PDE10A: variants seen among roughly 807,000 people sequenced by gnomAD.
The protein encoded by PDE10A is phosphodiesterase 10A.
A neutral mutation model predicts 97.7 loss-of-function variants in PDE10A; 39 were observed. The observed-to-expected ratio is 0.40, with a 90% CI of 0.31 to 0.52. The LOEUF is 0.52. Ranked by LOEUF, PDE10A falls within the 20% of genes least tolerant of loss-of-function variation. PDE10A has a pLI of 0.56. For synonymous variants in PDE10A, 371 were observed against 376.8 expected (o/e 0.98, Z 0.18); for missense variants, 731 against 1,047.8 (o/e 0.70, Z 4.17).
chr6:165,578,463 A>C (rs1395685646), intron 1 of PDE10A, among the ~76,000 whole-genome samples: 1 of 152,200 alleles, frequency 6.6e-6, no homozygotes, highest in Non-Finnish European at 1.5e-5. Flanking sequence ...AGTCTGTTTC[A>C]GATTTTTATT....
chr6:165,830,807 G>C (rs117509713), intron 1 of PDE10A, among the ~76,000 whole-genome samples: 1 of 152,116 alleles, frequency 6.6e-6, no homozygotes, highest in African/African-American at 2.4e-5. Flanking sequence ...AATAACACAC[G>C]CTCTTTCAGA....
At chr6:165,870,929 T>C (rs1469400654) in intron 1 of PDE10A, among the ~76,000 whole-genome samples, 1 of 152,204 alleles carries the variant, frequency 6.6e-6, no homozygotes, top group Non-Finnish European at 1.5e-5. Flanking sequence ...GTAGAATGAT[T>C]GTCATCAGAG....
At chr6:165,774,093 C>G (rs1257523221) in intron 1 of PDE10A, among the ~76,000 whole-genome samples, 1 of 152,012 alleles carries the variant, frequency 6.6e-6, no homozygotes, top group African/African-American at 2.4e-5. Flanking sequence ...TGATTAGAAG[C>G]CTTTCACATG....
At chr6:165,930,533 C>T (rs1230940587) in intron 1 of PDE10A, among the ~76,000 whole-genome samples, 1 of 152,176 alleles carries the variant, frequency 6.6e-6, no homozygotes, top group East Asian at 1.9e-4. Context: ...AGAGTTGCTT[C>T]GAGTTTCACA....
intron 1 of PDE10A, among the ~76,000 whole-genome samples, chr6:165,675,803 A>G (rs571672324): frequency 2.2e-4 from 33 of 152,366 alleles, no homozygotes; most frequent in African/African-American, 7.2e-4. Context: ...TCCTGCTCCT[A>G]TGAAACATAT....
At chr6:165,482,823 C>T (rs1167748042) in intron 2 of PDE10A, among the ~76,000 whole-genome samples, 1 of 152,166 alleles carries the variant, frequency 6.6e-6, no homozygotes, top group Non-Finnish European at 1.5e-5. Flanking sequence ...AGGCATGAAA[C>T]ATAGTCATTA....
Position 165,655,308 on chromosome 6 carries a change from A to G in PDE10A, c.865+6639T>C, listed in dbSNP as rs1789884748. On this transcript the variant is annotated intron_variant, in intron 1 of 21. Transcript: ENST00000539869. The surrounding 1 kb of genome is among the most constrained non-coding windows in gnomAD (Gnocchi z 4.5). The stretch of plus-strand genomic sequence containing the variant: ...AATCCTCCCAGGCTTTGTTTATCCA[A>G]CTGCCTTCCTAGCATATGCATCTCA... Among the ~76,000 whole-genome samples the G allele has an allele frequency of 6.6e-6, 1 of 152,046 alleles. No individual in the cohort carries two copies. The highest frequency in any genetic ancestry group is 1.5e-5 in the Non-Finnish European group (1 of 68,002).
At chr6:165,704,306 A>T (rs1174095730) in intron 1 of PDE10A, among the ~76,000 whole-genome samples, 2 of 152,162 alleles carry the variant, frequency 1.3e-5, no homozygotes, top group African/African-American at 4.8e-5. Context: ...AAGGAAACAA[A>T]GGAGGAGCAC....
intron 18 of PDE10A, among the ~76,000 whole-genome samples, chr6:165,348,108 A>T (rs1045149367): frequency 1.3e-5 from 2 of 152,228 alleles, no homozygotes; most frequent in African/African-American, 4.8e-5. Flanking sequence ...TTTGAAGGGT[A>T]CAAATATTAT....
chr6:165,369,899 C>A (rs1012720592), intron 18 of PDE10A, among the ~76,000 whole-genome samples: 3 of 151,788 alleles, frequency 2.0e-5, no homozygotes, highest in Non-Finnish European at 4.4e-5. Flanking sequence ...ACCCTACAGG[C>A]CAGAAGAGAG....
chr6:165,444,167 G>A (rs186944202), intron 5 of PDE10A, among the ~76,000 whole-genome samples: 43 of 152,262 alleles, frequency 2.8e-4, no homozygotes, highest in African/African-American at 9.1e-4. Context: ...TTCACTATCC[G>A]TATCACTGTC....
At chr6:165,419,219 A>T (rs79287350) in intron 10 of PDE10A, among the ~76,000 whole-genome samples, 14,299 of 152,280 alleles carry the variant, frequency 0.094, 840 homozygotes, top group Middle Eastern at 0.15. Context: ...GATTAGTTGA[A>T]GTCTGTGATG....
At chr6:165,380,748 C>G (rs1162275572) in intron 17 of PDE10A, among the ~76,000 whole-genome samples, 3 of 152,302 alleles carry the variant, frequency 2.0e-5, no homozygotes, top group Non-Finnish European at 4.4e-5. Context: ...AGGCTTTGGG[C>G]TGGTGGCTGA....
chr6:165,419,769 T>C (rs1788565803), intron 10 of PDE10A, among the ~76,000 whole-genome samples: 1 of 152,202 alleles, frequency 6.6e-6, no homozygotes, highest in African/African-American at 2.4e-5. Context: ...CATGAAATTA[T>C]TCCTCGGAGA....
chr6:165,955,902 A>C (rs1250396024), intron 1 of PDE10A, among the ~76,000 whole-genome samples: 1 of 152,244 alleles, frequency 6.6e-6, no homozygotes, highest in Non-Finnish European at 1.5e-5. Context: ...ATTCATATAA[A>C]AATTCCTAAA....
At chr6:165,693,666 C>A (rs1166140825) in intron 1 of PDE10A, among the ~76,000 whole-genome samples, 1 of 151,718 alleles carries the variant, frequency 6.6e-6, no homozygotes, top group Non-Finnish European at 1.5e-5. Context: ...TGTTTAAGAG[C>A]TGTTTAGTAA....
intron 1 of PDE10A, among the ~76,000 whole-genome samples, chr6:165,794,255 ACT>A (rs1022266361): frequency 2.0e-5 from 3 of 149,740 alleles, no homozygotes; most frequent in African/African-American, 7.4e-5. Flanking sequence ...ACCTGCTCAC[ACT>A]CACATACACA....
intron 13 of PDE10A, among the ~76,000 whole-genome samples, chr6:165,401,902 T>A (rs903682157): frequency 6.6e-6 from 1 of 152,196 alleles, no homozygotes; most frequent in African/African-American, 2.4e-5. Flanking sequence ...TGTCACTTGC[T>A]TTCCACTTTA....
chr6:165,536,902 C>T (rs1350925568), intron 2 of PDE10A, among the ~76,000 whole-genome samples: 1 of 151,880 alleles, frequency 6.6e-6, no homozygotes, highest in Non-Finnish European at 1.5e-5. Context: ...CCTCAAAAAA[C>T]TAAAAACAGA....
Sources: allele counts gnomAD v4.1 joint callset (sites outside exome capture counted in the v4.1 genomes callset), GRCh38; gene constraint gnomAD v4.1.1; non-coding constraint Gnocchi (gnomAD v3.1); transcripts MANE v1.5; gene names NCBI Gene and HGNC (gene_info 2026-07-23, HGNC 2026-07-21).